Variants in GRID1 observed in about 807,000 individuals in gnomAD.
The protein encoded by GRID1 is glutamate receptor ionotropic, delta-1.
Under a neutral mutation model 98.0 loss-of-function variants are expected in GRID1, and 28 were observed. The observed-to-expected ratio is 0.29, with a 90% CI of 0.21 to 0.39. The LOEUF (loss-of-function observed/expected upper bound fraction) is 0.39, where lower values mean the gene tolerates loss of function less well. Ranked by LOEUF, GRID1 falls within the 10% of genes least tolerant of loss-of-function variation. The probability of loss-of-function intolerance (pLI) is 1.00; values close to 1 mark genes in which losing one functional copy is unlikely to be tolerated. For missense variants in GRID1, 1,111 were observed against 1,340.5 expected (o/e 0.83, Z 2.67); for synonymous variants, 553 against 538.5 (o/e 1.03, Z -0.37).
At chr10:85,800,623 C>CA (rs1430300091) in intron 8 of GRID1, among the ~76,000 whole-genome samples, 1 of 151,866 alleles carries the variant, frequency 6.6e-6, no homozygotes, top group East Asian at 1.9e-4. Context: ...AGAAGAGAAG[C>CA]AAAACCTAAG....
intron 4 of GRID1, among the ~76,000 whole-genome samples, chr10:85,974,744 T>G (rs1342338101): frequency 1.3e-5 from 2 of 152,200 alleles, no homozygotes; most frequent in African/African-American, 4.8e-5. Context: ...CGCTACCTAA[T>G]GCTTCCCAAG....
At chr10:86,023,736 C>T (rs974188624) in intron 4 of GRID1, among the ~76,000 whole-genome samples, 9 of 152,124 alleles carry the variant, frequency 5.9e-5, no homozygotes, top group South Asian at 4.1e-4. Context: ...CAGCCACACA[C>T]GAAAGAACCC....
chr10:85,804,354 T>C (rs1455061377), intron 8 of GRID1, among the ~76,000 whole-genome samples: 1 of 151,842 alleles, frequency 6.6e-6, no homozygotes, highest in Non-Finnish European at 1.5e-5. Flanking sequence ...TAAATAGACC[T>C]GTAACAATTA....
chr10:86,255,625 T>C (rs899733107), intron 2 of GRID1, among the ~76,000 whole-genome samples: 1 of 152,220 alleles, frequency 6.6e-6, no homozygotes, highest in Admixed American at 6.5e-5. Flanking sequence ...CTTGTGGCAC[T>C]GGCAAACTGA....
At chr10:86,279,848 T>C (rs1035014363) in intron 2 of GRID1, among the ~76,000 whole-genome samples, 1 of 152,206 alleles carries the variant, frequency 6.6e-6, no homozygotes, top group Admixed American at 6.5e-5. Flanking sequence ...GAAAATTTGA[T>C]GGAATCTACC....
At chr10:86,184,069 A>G (rs1007497832) in intron 3 of GRID1, among the ~76,000 whole-genome samples, 9 of 152,246 alleles carry the variant, frequency 5.9e-5, no homozygotes, top group African/African-American at 2.2e-4. Flanking sequence ...CCTCTTTGGT[A>G]AAGTGTCTAT....
At chr10:86,008,287 G>C (rs1254643413) in intron 4 of GRID1, among the ~76,000 whole-genome samples, 6 of 152,052 alleles carry the variant, frequency 3.9e-5, no homozygotes, top group African/African-American at 1.4e-4. Context: ...ACCCTCAGAA[G>C]GAGGGTTATA....
Position 85,602,294 on chromosome 10 carries a change from G to A in GRID1, c.3009C>T (p.Thr1003=). The A allele has an allele frequency of 6.6e-7, 1 of 1,522,916 alleles. No homozygotes were observed. Among genetic ancestry groups the A allele is most frequent in the African/African-American group, 1.4e-5 (1 of 72,232 alleles). 94.3% of individuals were successfully genotyped at this position (1,522,916 alleles called of 1,614,324 possible). A position where few individuals can be genotyped will look rare whatever the true frequency, so the allele number is the denominator to read the frequency against. ...GCAGTCAGATGGAGGTCCCGTGGGA[G>A]GTGTCCAGAGCCTCTGGAAGGACGC... The part of the protein sequence containing the change: ...PGGVLPEALD[T]SHGTSI The change falls in exon 16 of 16, where the codon ACC becomes ACT. Residue 1003 remains threonine (T), a synonymous_variant. Transcript: ENST00000327946.
At chr10:85,976,653 T>A (rs1194754537) in intron 4 of GRID1, among the ~76,000 whole-genome samples, 1 of 152,176 alleles carries the variant, frequency 6.6e-6, no homozygotes, top group African/African-American at 2.4e-5. Context: ...CATTCCAGGA[T>A]GATATGCAGG....
intron 10 of GRID1, 69 bp from the exon 11 acceptor site, chr10:85,724,745 G>T (rs1841743724): frequency 3.1e-6 from 4 of 1,297,214 alleles, no homozygotes; most frequent in Non-Finnish European, 3.2e-6. Flanking sequence ...CCTGGGTCAA[G>T]GTCCACCCTC....
intron 12 of GRID1, among the ~76,000 whole-genome samples, chr10:85,651,882 C>T (rs1843275868): frequency 6.6e-6 from 1 of 152,186 alleles, no homozygotes; most frequent in African/African-American, 2.4e-5. Context: ...CCTGACAAAG[C>T]CTACCCTCTC....
At chr10:85,978,856 C>T (rs1262859497) in intron 4 of GRID1, among the ~76,000 whole-genome samples, 2 of 152,208 alleles carry the variant, frequency 1.3e-5, no homozygotes. Context: ...TTACTCACAT[C>T]CTCCTGGAAC....
chr10:86,152,183 G>A (rs949138463), intron 3 of GRID1, among the ~76,000 whole-genome samples: 11 of 152,354 alleles, frequency 7.2e-5, no homozygotes, highest in Non-Finnish European at 1.6e-4. Flanking sequence ...ATGGACAAGA[G>A]AGGGAGTATT....
intron 8 of GRID1, among the ~76,000 whole-genome samples, chr10:85,815,609 A>T (rs1254761578): frequency 2.0e-5 from 3 of 152,046 alleles, no homozygotes; most frequent in Non-Finnish European, 2.9e-5. Context: ...TAAATGTAAA[A>T]CTTTAAAACT....
At chr10:85,828,996 A>G (rs1317882953) in intron 8 of GRID1, among the ~76,000 whole-genome samples, 1 of 152,166 alleles carries the variant, frequency 6.6e-6, no homozygotes, top group Non-Finnish European at 1.5e-5. Context: ...CCTAGCAGAG[A>G]CACAACAAAA....
rs771628798 is a variant in GRID1, at chr10:85,689,025, C to A, written c.1997+33978G>T. Among the ~76,000 whole-genome samples, 3 of 152,314 alleles carry A rather than the reference C, an allele frequency of 2.0e-5. No homozygotes were observed. In the East Asian group the frequency reaches 5.8e-4, roughly 29 times the overall value. On this transcript the variant is annotated intron_variant, in intron 12 of 15. Transcript: ENST00000327946. ...CTCTTGGTTTTAGCACTTTGTTCCA[C>A]CCCGTTGATATCATTTAGAATTTTG...
At chr10:85,834,850 A>G (rs1842898706) in intron 8 of GRID1, among the ~76,000 whole-genome samples, 1 of 152,206 alleles carries the variant, frequency 6.6e-6, no homozygotes, top group African/African-American at 2.4e-5. Context: ...AAATGCTAAA[A>G]CAACAATACT....
intron 2 of GRID1, among the ~76,000 whole-genome samples, chr10:86,347,954 G>A (rs951711509): frequency 6.6e-6 from 1 of 152,074 alleles, no homozygotes; most frequent in Non-Finnish European, 1.5e-5. Flanking sequence ...CACAGGGTGC[G>A]AGGCCCGGCC....
chr10:86,080,803 A>C (rs1385311215), intron 4 of GRID1, among the ~76,000 whole-genome samples: 2 of 152,188 alleles, frequency 1.3e-5, no homozygotes, highest in Non-Finnish European at 2.9e-5. Context: ...TTCCTCTAGT[A>C]GGGAAACAAT....
Sources: allele counts gnomAD v4.1 joint callset (sites outside exome capture counted in the v4.1 genomes callset), GRCh38; gene constraint gnomAD v4.1.1; transcripts MANE v1.5; gene names NCBI Gene and HGNC (gene_info 2026-07-23, HGNC 2026-07-21).